The following FAM114A1 variants were observed in gnomAD, a reference collection of about 807,000 sequenced individuals.
FAM114A1 encodes the protein family with sequence similarity 114 member A1, also known as protein NOXP20.
In FAM114A1, 62 loss-of-function variants were observed where a neutral mutation model predicts 64.3. That is an observed-to-expected ratio of 0.96 (90% CI 0.79 to 1.19). FAM114A1 has a LOEUF of 1.19. FAM114A1 is among the 50% of genes most tolerant of loss of function. The pLI, the probability that FAM114A1 is intolerant of heterozygous loss-of-function variation, is 0.00. For synonymous variants in FAM114A1, 254 were observed against 251.1 expected, an observed-to-expected ratio of 1.01 and a Z score of -0.11; for missense variants, 645 against 676.3, an observed-to-expected ratio of 0.95 and a Z score of 0.51.
chr4:38,900,342 CTCAAAAAACTAAAA>C (rs1248955297), intron 4 of FAM114A1, among the ~76,000 whole-genome samples: 1 of 151,894 alleles, frequency 6.6e-6, no homozygotes, highest in Non-Finnish European at 1.5e-5. Flanking sequence ...ACAACAGTTC[CTCAAAAAACTAAAA>C]ACAGAATTAC....
At chr4:38,919,563 A>G (rs1283351548) in intron 8 of FAM114A1, among the ~76,000 whole-genome samples, 1 of 152,104 alleles carries the variant, frequency 6.6e-6, no homozygotes, top group Non-Finnish European at 1.5e-5. Context: ...TAGAATGGAG[A>G]TGTGGGCTCT....
At chr4:38,896,764 T>C (rs1003274664) in intron 4 of FAM114A1, among the ~76,000 whole-genome samples, 2 of 152,224 alleles carry the variant, frequency 1.3e-5, no homozygotes, top group African/African-American at 4.8e-5. Flanking sequence ...TTTATTATCA[T>C]CAGGCAAAGA....
chr4:38,880,106 AGTAGAATAG>A (rs1560288058), intron 3 of FAM114A1, among the ~76,000 whole-genome samples: 10 of 132,330 alleles, frequency 7.6e-5, no homozygotes, highest in African/African-American at 1.9e-4. Flanking sequence ...AATAAAATAG[AGTAGAATAG>A]AATAGAATAG....
In FAM114A1 at chr4:38,905,647, G is replaced by A. The variant is rs369704603; in HGVS notation, c.550+12G>A. The A allele has an allele frequency of 7.8e-5, 125 of 1,612,076 alleles. 1 individual carries two copies. The highest frequency in any genetic ancestry group is 2.5e-4 in the East Asian group (11 of 44,886). On this transcript the variant is annotated intron_variant, in intron 5 of 14. Coordinates refer to ENST00000358869, the MANE Select transcript of FAM114A1 (RefSeq NM_138389.4). ...CGGAGTCCCTGAAAGTGAGTGATGT[G>A]TCTCCTCTGGGTGTTCTTGGACTTT...
At chr4:38,938,890 T>G (rs1721329720) in intron 13 of FAM114A1, among the ~76,000 whole-genome samples, 1 of 152,222 alleles carries the variant, frequency 6.6e-6, no homozygotes, top group Non-Finnish European at 1.5e-5. Context: ...TGTATTATAT[T>G]TTGCATAATA....
intron 3 of FAM114A1, among the ~76,000 whole-genome samples, chr4:38,881,279 A>G (rs1418071774): frequency 6.6e-6 from 1 of 152,158 alleles, no homozygotes; most frequent in Non-Finnish European, 1.5e-5. Context: ...CTTGCTTTGA[A>G]AACACCTTAT....
At chr4:38,924,162 G>A (rs894599642) in intron 9 of FAM114A1, among the ~76,000 whole-genome samples, 2 of 151,876 alleles carry the variant, frequency 1.3e-5, no homozygotes, top group African/African-American at 4.8e-5. Flanking sequence ...TGGAGACAAT[G>A]ATATATATAT....
At chr4:38,914,559 C>T (rs1350441413) in intron 7 of FAM114A1, 1 of 159,868 alleles carries the variant, frequency 6.3e-6, no homozygotes, top group East Asian at 1.8e-4. Flanking sequence ...GAGTGAGACT[C>T]CATCTCAAAA....
rs1310747810 is a variant in FAM114A1, at chr4:38,876,162, C to CT, written c.-8-1903dup. Among the ~76,000 whole-genome samples the CT allele has an allele frequency of 3.7e-3, 365 of 99,188 alleles. 15 individuals carry two copies. The highest frequency in any genetic ancestry group is 0.017 in the African/African-American group (325 of 18,784). The allele number at this position is 99,188 out of a possible 152,430, so 65.1% of individuals were successfully genotyped here. Reference sequence around the variant, plus strand: ...TGCTCAGGTATTTTCTAGACTTATTCTTTTTTCTTTTTTTTTTTTTTTTTT... The same window carrying CT: ...TGCTCAGGTATTTTCTAGACTTATTCTTTTTTTCTTTTTTTTTTTTTTTTTT... On this transcript the variant is annotated intron_variant, in intron 2 of 14. Coordinates refer to ENST00000358869, the MANE Select transcript of FAM114A1 (RefSeq NM_138389.4).
At chr4:38,874,272 G>A (rs1714388691) in intron 2 of FAM114A1, among the ~76,000 whole-genome samples, 1 of 152,230 alleles carries the variant, frequency 6.6e-6, no homozygotes, top group African/African-American at 2.4e-5. Flanking sequence ...CATGGATACA[G>A]TAAGCACTCA....
At chr4:38,942,114 G>A (rs1345969106) in intron 14 of FAM114A1, among the ~76,000 whole-genome samples, 1 of 152,060 alleles carries the variant, frequency 6.6e-6, no homozygotes, top group African/African-American at 2.4e-5. Flanking sequence ...AGAATAGCAC[G>A]GGAAAGACCT....
intron 2 of FAM114A1, among the ~76,000 whole-genome samples, chr4:38,877,612 G>T (rs1396421369): frequency 6.6e-6 from 1 of 152,134 alleles, no homozygotes; most frequent in African/African-American, 2.4e-5. Flanking sequence ...CCATGGACTG[G>T]TACAAGGAAT....
At chr4:38,901,484 G>T (rs532377333) in intron 4 of FAM114A1, among the ~76,000 whole-genome samples, 67 of 152,218 alleles carry the variant, frequency 4.4e-4, no homozygotes, top group African/African-American at 1.6e-3. Context: ...TAGAGGTGGG[G>T]TTTCACCATG....
chr4:38,910,756 G>A lies in FAM114A1; in HGVS notation c.792+2030G>A, dbSNP rs139873941. Reference sequence around the variant, plus strand: ...AGGCCAAGGGAGAACTCACGCAAAGGCCCTGAGTCAGGAGTGTCTGGCATG... The same window carrying A: ...AGGCCAAGGGAGAACTCACGCAAAGACCCTGAGTCAGGAGTGTCTGGCATG... On this transcript the variant is annotated intron_variant, in intron 7 of 14. Transcript: ENST00000358869. 3.7e-4 allele frequency among the ~76,000 whole-genome samples: 56 copies of A among 152,300 alleles called. 1 individual carries two copies. The highest frequency in any genetic ancestry group is 1.3e-3 in the African/African-American group (56 of 41,560).
chr4:38,936,045 T>C (rs1466798483), intron 13 of FAM114A1, among the ~76,000 whole-genome samples: 1 of 152,000 alleles, frequency 6.6e-6, no homozygotes, highest in Non-Finnish European at 1.5e-5. Flanking sequence ...CTGTGGCCCT[T>C]ATTTTCTTTG....
chr4:38,924,447 G>A (rs1266997158), intron 9 of FAM114A1, among the ~76,000 whole-genome samples: 1 of 152,194 alleles, frequency 6.6e-6, no homozygotes, highest in Non-Finnish European at 1.5e-5. Context: ...TTTAATCAAA[G>A]CTCTGACACA....
At chr4:38,939,859 A>T (rs888720776) in intron 13 of FAM114A1, among the ~76,000 whole-genome samples, 3 of 150,642 alleles carry the variant, frequency 2.0e-5, no homozygotes, top group Non-Finnish European at 4.4e-5. Context: ...AAAGATAATG[A>T]TACCAACTCT....
intron 9 of FAM114A1, among the ~76,000 whole-genome samples, chr4:38,923,468 G>GC (rs1719820469): frequency 6.6e-6 from 1 of 152,008 alleles, no homozygotes; most frequent in Non-Finnish European, 1.5e-5. Flanking sequence ...TGATCTGCCT[G>GC]CCTCGGCCTC....
chr4:38,914,899 C>G, intron 7 of FAM114A1, 22 bp from the exon 8 acceptor site: 1 of 1,611,362 alleles, frequency 6.2e-7, no homozygotes, highest in African/African-American at 1.3e-5. Flanking sequence ...ATCCAGAGTA[C>G]AAACATTGTG....
Sources: gnomAD v4.1 joint callset for allele counts (sites outside exome capture counted in the v4.1 genomes callset) on GRCh38, gnomAD v4.1.1 for gene constraint, MANE v1.5 for transcripts, NCBI Gene and HGNC (gene_info 2026-07-23, HGNC 2026-07-21) for gene names.